Variants in MTMR2 observed in about 807,000 individuals in gnomAD.
MTMR2 encodes the protein phosphatidylinositol-3,5-bisphosphate 3-phosphatase MTMR2.
A neutral mutation model predicts 86.9 loss-of-function variants in MTMR2; 55 were observed. That is an observed-to-expected ratio of 0.63 (90% CI 0.51 to 0.79). The LOEUF (loss-of-function observed/expected upper bound fraction) is 0.79, where lower values mean the gene tolerates loss of function less well. Among genes scored for constraint, MTMR2 ranks in the 30% least tolerant of loss-of-function variants. MTMR2 has a pLI of 0.00. For synonymous variants in MTMR2, 241 were observed against 266.8 expected, an observed-to-expected ratio of 0.90 and a Z score of 0.94; for missense variants, 659 against 772.3, an observed-to-expected ratio of 0.85 and a Z score of 1.74.
chr11:95,904,289 T>G (rs1340478321), intron 1 of MTMR2, among the ~76,000 whole-genome samples: 1 of 152,216 alleles, frequency 6.6e-6, no homozygotes, highest in Non-Finnish European at 1.5e-5. Flanking sequence ...AAACAAAGTA[T>G]TATTTCTCTC....
chr11:95,909,881 T>C (rs567582758), intron 1 of MTMR2, among the ~76,000 whole-genome samples: 1 of 152,014 alleles, frequency 6.6e-6, no homozygotes, highest in Non-Finnish European at 1.5e-5. Context: ...AAGAAGAGAA[T>C]AGGAAGTCTA....
At chr11:95,852,850 C>T (rs558619298) in intron 7 of MTMR2, among the ~76,000 whole-genome samples, 1 of 152,098 alleles carries the variant, frequency 6.6e-6, no homozygotes, top group Non-Finnish European at 1.5e-5. Flanking sequence ...CCAGCCTGGC[C>T]AACATGGATG....
chr11:95,919,200 T>C (rs1047827532), intron 1 of MTMR2, among the ~76,000 whole-genome samples: 7 of 152,182 alleles, frequency 4.6e-5, no homozygotes, highest in African/African-American at 1.7e-4. Context: ...TGCAACAAAA[T>C]GTGTTTTAGA....
chr11:95,884,543 G>A (rs897920104), intron 2 of MTMR2, among the ~76,000 whole-genome samples: 4 of 152,184 alleles, frequency 2.6e-5, no homozygotes, highest in African/African-American at 9.6e-5. Context: ...CTTTCTGACT[G>A]TCAGGTTTCT....
chr11:95,869,184 T>C (rs998195983), intron 2 of MTMR2, among the ~76,000 whole-genome samples: 1 of 149,892 alleles, frequency 6.7e-6, no homozygotes, highest in East Asian at 1.9e-4. Context: ...TTAGCAACTA[T>C]GAAATCAAGA....
chr11:95,849,978 G>C, intron 8 of MTMR2, 116 bp from the exon 9 acceptor site: 1 of 937,108 alleles, frequency 1.1e-6, no homozygotes, highest in South Asian at 1.4e-5. Flanking sequence ...GGCCATGAAA[G>C]GACATCTGAG....
At chr11:95,857,699 T>TG in intron 6 of MTMR2, 64 bp from the exon 7 acceptor site, 2 of 1,023,930 alleles carry the variant, frequency 2.0e-6, no homozygotes, top group Admixed American at 1.8e-5. Flanking sequence ...GAATCAGAAA[T>TG]GTATCCATAT....
At chr11:95,853,575 C>G (rs1565353778) in intron 7 of MTMR2, among the ~76,000 whole-genome samples, 2 of 152,120 alleles carry the variant, frequency 1.3e-5, no homozygotes, top group African/African-American at 2.4e-5. Context: ...ATGCTCTGGT[C>G]TAGTCTATAT....
intron 7 of MTMR2, among the ~76,000 whole-genome samples, chr11:95,853,050 T>C (rs1313145999): frequency 1.3e-5 from 2 of 149,288 alleles, no homozygotes; most frequent in African/African-American, 2.4e-5. Context: ...ATATAATATA[T>C]ATATATATAC....
intron 1 of MTMR2, among the ~76,000 whole-genome samples, chr11:95,890,352 A>G (rs1865672704): frequency 6.6e-6 from 1 of 152,108 alleles, no homozygotes; most frequent in Non-Finnish European, 1.5e-5. Context: ...AGACATTGTT[A>G]GCTCCCTCCT....
At chr11:95,915,046 T>C (rs569689045) in intron 1 of MTMR2, among the ~76,000 whole-genome samples, 1 of 152,210 alleles carries the variant, frequency 6.6e-6, no homozygotes, top group African/African-American at 2.4e-5. Context: ...ATTATTACTA[T>C]AACTGTCTAC....
At chr11:95,842,582 A>C (rs1479610029) in intron 11 of MTMR2, among the ~76,000 whole-genome samples, 3 of 152,252 alleles carry the variant, frequency 2.0e-5, no homozygotes, top group African/African-American at 4.8e-5. Context: ...AACTGAAAAC[A>C]GAATCCTGCT....
At chr11:95,921,831 G>C (rs922240669) in intron 1 of MTMR2, among the ~76,000 whole-genome samples, 2 of 152,086 alleles carry the variant, frequency 1.3e-5, no homozygotes, top group Admixed American at 1.3e-4. Context: ...CAATTCTCTC[G>C]AGGAGTACTT....
intron 1 of MTMR2, among the ~76,000 whole-genome samples, chr11:95,919,115 G>A (rs1044775165): frequency 6.6e-6 from 1 of 152,148 alleles, no homozygotes; most frequent in Non-Finnish European, 1.5e-5. Flanking sequence ...TAGGATTACA[G>A]GCGTTAGCTA....
chr11:95,835,116 A>G lies in MTMR2; in HGVS notation c.*174T>C. On this transcript the variant is annotated 3_prime_UTR_variant, in exon 15 of 15. Coordinates refer to ENST00000346299, the MANE Select transcript of MTMR2 (RefSeq NM_016156.6). ...ATGTAATTACATATGGAGTTACTTC[A>G]CTTAAGCCACCTGCACTGCTACAGT... The G allele has an allele frequency of 1.5e-6, 1 of 654,564 alleles. No homozygotes were observed. The highest frequency in any genetic ancestry group is 2.7e-6 in the Non-Finnish European group (1 of 373,840). The allele number at this position is 654,564 out of a possible 1,614,324, so 40.5% of individuals were successfully genotyped here.
intron 1 of MTMR2, among the ~76,000 whole-genome samples, chr11:95,905,297 T>C (rs1364534854): frequency 6.7e-6 from 1 of 149,992 alleles, no homozygotes; most frequent in South Asian, 2.1e-4. Context: ...CCGTCTAAAG[T>C]GTGATATTCT....
chr11:95,848,117 C>CATAT (rs1477321823), intron 9 of MTMR2, among the ~76,000 whole-genome samples: 2 of 152,122 alleles, frequency 1.3e-5, no homozygotes, highest in African/African-American at 4.8e-5. Context: ...CTGACTTGCC[C>CATAT]ATATGGCCAT....
At chr11:95,875,567 T>A (rs1342454741) in intron 2 of MTMR2, among the ~76,000 whole-genome samples, 2 of 152,164 alleles carry the variant, frequency 1.3e-5, no homozygotes, top group Non-Finnish European at 2.9e-5. Flanking sequence ...TCAGAGTAGT[T>A]TGATCGTCTG....
intron 2 of MTMR2, among the ~76,000 whole-genome samples, chr11:95,870,842 C>T (rs912341915): frequency 2.0e-5 from 3 of 150,284 alleles, no homozygotes; most frequent in East Asian, 3.9e-4. Flanking sequence ...CCCATTAACT[C>T]GTCATTTAAC....
Sources: allele counts gnomAD v4.1 joint callset (sites outside exome capture counted in the v4.1 genomes callset), GRCh38; gene constraint gnomAD v4.1.1; transcripts MANE v1.5; gene names NCBI Gene and HGNC (gene_info 2026-07-23, HGNC 2026-07-21).